Variants in ARHGAP23 observed in about 807,000 individuals in gnomAD.
ARHGAP23 encodes Rho GTPase activating protein 23, also known as rho GTPase-activating protein 23.
ARHGAP23 carries 34 observed loss-of-function variants against 136.3 expected under a neutral mutation model. That is an observed-to-expected ratio of 0.25 (90% confidence interval 0.19 to 0.33). ARHGAP23 has a LOEUF of 0.33. Among genes scored for constraint, ARHGAP23 ranks in the 10% least tolerant of loss-of-function variants. The pLI, the probability that ARHGAP23 is intolerant of heterozygous loss-of-function variation, is 1.00. For synonymous variants in ARHGAP23, 832 were observed against 920.5 expected (o/e 0.90, Z 1.74); for missense variants, 1,808 against 2,139.0 (o/e 0.85, Z 3.05).
At chr17:38,491,288 G>A in intron 19 of ARHGAP23, 119 bp from the exon 20 acceptor site, 1 of 1,359,792 alleles carries the variant, frequency 7.4e-7, no homozygotes, top group Non-Finnish European at 1.0e-6. Flanking sequence ...ACAAGGGGGT[G>A]TCCACCCTCT....
chr17:38,454,370 C>T (rs2039273830), intron 1 of ARHGAP23, among the ~76,000 whole-genome samples: 1 of 152,220 alleles, frequency 6.6e-6, no homozygotes, highest in African/African-American at 2.4e-5. Context: ...CAGTCTGGGT[C>T]GAGGCCTCCA....
At position 38,466,809 on chromosome 17, in the gene ARHGAP23, G is replaced by A; in HGVS notation, c.1126G>A (p.Glu376Lys). ...GPGALVSPRF[E>K]RCGWASQRSS... ...AGGGGCACTGGTGTCACCCCGCTTT[G>A]AGCGGTGTGGCTGGGCTTCCCAGCG... Residue 376 changes from glutamate to lysine, a missense_variant, in exon 7 of 24, where the codon GAG (glutamate) becomes AAG (lysine). Physicochemically the swap from Glu to Lys is moderately conservative, Grantham distance 56. This residue lies in a region of ARHGAP23 where 859 missense variants were observed against 936.4 expected (regional missense o/e 0.92). Coordinates refer to ENST00000622683, the MANE Select transcript of ARHGAP23 (RefSeq NM_001199417.2). 6.5e-7 allele frequency: 1 copy of A among 1,549,174 alleles called. No individual in the cohort carries two copies. The highest frequency in any genetic ancestry group is 8.7e-7 in the Non-Finnish European group (1 of 1,146,544).
At chr17:38,454,306 G>T (rs68188617) in intron 1 of ARHGAP23, among the ~76,000 whole-genome samples, 17,969 of 152,122 alleles carry the variant, frequency 0.12, 1,175 homozygotes, top group Middle Eastern at 0.26. Flanking sequence ...TGGGGCTGAG[G>T]GTGGCAGGAT....
chr17:38,503,417 A>G (rs535762131), intron 23 of ARHGAP23, among the ~76,000 whole-genome samples: 4 of 152,336 alleles, frequency 2.6e-5, no homozygotes, highest in African/African-American at 9.6e-5. Context: ...GGGGCCGAGA[A>G]GCATCATGGG....
At chr17:38,463,491 C>T in intron 6 of ARHGAP23, 109 bp downstream of exon 6, 23 of 1,330,804 alleles carry the variant, frequency 1.7e-5, no homozygotes, top group Non-Finnish European at 2.3e-5. Context: ...CCGACATTGC[C>T]CAGTTGGGGA....
chr17:38,511,091 G>A lies in ARHGAP23; in HGVS notation c.*119G>A. The A allele has an allele frequency of 2.8e-6, 3 of 1,088,430 alleles. No homozygotes were observed. The highest frequency in any genetic ancestry group is 2.4e-6 in the Non-Finnish European group (2 of 819,072). 67.4% of individuals were successfully genotyped at this position (1,088,430 alleles called of 1,614,324 possible). A position where few individuals can be genotyped will look rare whatever the true frequency, so the allele number is the denominator to read the frequency against. ...CCTGGGTGCATGGTGTGGGTGGAGG[G>A]CGCAGCAGGCAGTGTCTCTAGTTGG... On this transcript the variant is annotated 3_prime_UTR_variant, in exon 24 of 24. Transcript: ENST00000622683.
intron 23 of ARHGAP23, among the ~76,000 whole-genome samples, chr17:38,504,997 TTTTTTTTTTTTTTTTTTTTTTTTTTTG>T (rs2040601141): frequency 1.1e-5 from 1 of 92,856 alleles, no homozygotes; most frequent in Admixed American, 1.1e-4. Flanking sequence ...TTTTTTTTTT[TTTTTTTTTTTTTTTTTTTTTTTTTTTG>T]AGACAGGTCT....
intron 1 of ARHGAP23, 23 bp from the exon 2 acceptor site, chr17:38,458,079 C>T (rs1320074280): frequency 1.3e-6 from 2 of 1,535,580 alleles, no homozygotes; most frequent in Admixed American, 3.9e-5. Context: ...GGGCGCTCAG[C>T]CTGGCCTCTC....
intron 10 of ARHGAP23, among the ~76,000 whole-genome samples, chr17:38,471,331 G>A (rs1442272747): frequency 1.3e-5 from 2 of 152,218 alleles, no homozygotes; most frequent in Non-Finnish European, 2.9e-5. Flanking sequence ...TCATTGGTTG[G>A]TTGAACACCC....
chr17:38,499,057 C>G (rs1597844577), intron 22 of ARHGAP23: 2 of 682,590 alleles, frequency 2.9e-6, no homozygotes, highest in East Asian at 5.5e-5. Flanking sequence ...TGTGAGGACC[C>G]CACGCTGACA....
Position 38,455,777 on chromosome 17 carries a change from G to T in ARHGAP23, c.64-2325G>T, listed in dbSNP as rs549462235. Reference sequence around the variant, plus strand: ...GACCCCCAGACCCTTTTCGCTCCCTGATCAGTTCCTTGCCAGGTCAGCAGA... The same window carrying T: ...GACCCCCAGACCCTTTTCGCTCCCTTATCAGTTCCTTGCCAGGTCAGCAGA... On this transcript the variant is annotated intron_variant, in intron 1 of 23. Coordinates refer to ENST00000622683, the MANE Select transcript of ARHGAP23 (RefSeq NM_001199417.2). Among the ~76,000 whole-genome samples the T allele has an allele frequency of 7.8e-4, 119 of 152,338 alleles. No individual in the cohort carries two copies. The Middle Eastern group carries it at 0.02, about 26-fold the overall frequency.
rs2040154067 is a variant in ARHGAP23 at position 38,486,106 on chromosome 17, C to A, written c.2952C>A (p.Phe984Leu). The A allele has an allele frequency of 1.3e-6, 2 of 1,551,358 alleles. No homozygotes were observed. The highest frequency in any genetic ancestry group is 1.4e-5 in the African/African-American group (1 of 73,040). Residue 984 changes from phenylalanine to leucine, a missense_variant, in exon 17 of 24, where the codon TTC (phenylalanine) becomes TTA (leucine). This residue lies in a region of ARHGAP23 where 105 missense variants were observed against 200.6 expected (regional missense o/e 0.52). Coordinates refer to ENST00000622683, the MANE Select transcript of ARHGAP23 (RefSeq NM_001199417.2). ...TGATCAGCAGCCTGCTCAAGTCCTT[C>A]TTCCGAAAGCTGCCCGAGCCTCTTT... ...LNVISSLLKS[F>L]FRKLPEPLFT...
chr17:38,474,243 G>A (rs2039835843), intron 11 of ARHGAP23, among the ~76,000 whole-genome samples: 2 of 152,228 alleles, frequency 1.3e-5, no homozygotes, highest in Admixed American at 1.3e-4. Context: ...TTAAATGTGG[G>A]CTGGGGATGG....
intron 11 of ARHGAP23, among the ~76,000 whole-genome samples, chr17:38,476,571 G>C (rs969597335): frequency 7.9e-5 from 12 of 152,188 alleles, no homozygotes; most frequent in South Asian, 2.1e-4. Flanking sequence ...GCTGTGGCTG[G>C]GAGAGACGCT....
chr17:38,488,027 G>T (rs1272988522), intron 17 of ARHGAP23, among the ~76,000 whole-genome samples: 6 of 151,950 alleles, frequency 3.9e-5, no homozygotes, highest in African/African-American at 1.2e-4. Flanking sequence ...TCAGCCTCCT[G>T]AGTAGTTGGG....
At chr17:38,482,273 G>A in intron 15 of ARHGAP23, 130 bp downstream of exon 15, 1 of 1,460,718 alleles carries the variant, frequency 6.8e-7, no homozygotes, top group Non-Finnish European at 9.1e-7. Context: ...ACAGCCCAGA[G>A]AGGGGAAGGC....
chr17:38,453,408 C>G (rs2039227945), intron 1 of ARHGAP23, among the ~76,000 whole-genome samples: 1 of 141,818 alleles, frequency 7.1e-6, no homozygotes, highest in African/African-American at 2.7e-5. Flanking sequence ...GGCTGATGCG[C>G]GCGCGTATGC....
chr17:38,420,120 T>G (rs1466755448), intron 1 of ARHGAP23, among the ~76,000 whole-genome samples: 1 of 152,178 alleles, frequency 6.6e-6, no homozygotes, highest in African/African-American at 2.4e-5. Flanking sequence ...TGGGCGGGGA[T>G]GAAGACCCCC....
chr17:38,464,062 C>T (rs61577145), intron 6 of ARHGAP23, among the ~76,000 whole-genome samples: 27,654 of 152,044 alleles, frequency 0.18, 3,934 homozygotes, highest in African/African-American at 0.4. Flanking sequence ...CTTGCACACT[C>T]GGACCTCCAC....
Sources: allele counts gnomAD v4.1 joint callset (sites outside exome capture counted in the v4.1 genomes callset), GRCh38; gene constraint gnomAD v4.1.1; regional missense constraint gnomAD v4.1.1; transcripts MANE v1.5; gene names NCBI Gene and HGNC (gene_info 2026-07-23, HGNC 2026-07-21).